Variants in STON1 observed in about 807,000 individuals in gnomAD.
STON1 encodes the protein stonin 1, also known as stonin-1.
A neutral mutation model predicts 60.9 loss-of-function variants in STON1; 79 were observed. The observed-to-expected ratio is 1.30, with a 90% CI of 1.08 to 1.56. STON1 has a LOEUF of 1.56. Ranked by LOEUF, STON1 falls within the 40% of genes most tolerant of loss-of-function variation. The pLI is 0.00. For synonymous variants in STON1, 363 were observed against 306.9 expected (o/e 1.18, Z -1.91); for missense variants, 1,166 against 858.9 (o/e 1.36, Z -4.47).
chr2:48,564,479 CTTTCTTCTTCTTCTTCTTCTTCTT>C lies in STON1; in HGVS notation c.-47-16107_-47-16084del, dbSNP rs1672785873. Reference sequence around the variant, plus strand: ...TCTTCTTCTTCTTCTTCTTCTTCTTCTTTCTTCTTCTTCTTCTTCTTCTTCTTCTTCTTCTTCTTCTTCTTCTTC... The same window carrying C: ...TCTTCTTCTTCTTCTTCTTCTTCTTCCTTCTTCTTCTTCTTCTTCTTCTTC... On this transcript the variant is annotated intron_variant, in intron 1 of 3. Transcript: ENST00000404752. Among the ~76,000 whole-genome samples the C allele has an allele frequency of 2.4e-4, 6 of 25,182 alleles. 1 individual carries two copies. The highest frequency in any genetic ancestry group is 4.1e-4 in the Admixed American group (1 of 2,450). 16.5% of individuals were successfully genotyped at this position (25,182 alleles called of 152,430 possible). A position where few individuals can be genotyped will look rare whatever the true frequency, so the allele number is the denominator to read the frequency against.
At chr2:48,589,080 G>A (rs1674371303) in intron 2 of STON1, among the ~76,000 whole-genome samples, 1 of 152,118 alleles carries the variant, frequency 6.6e-6, no homozygotes, top group Non-Finnish European at 1.5e-5. Context: ...TGAGAGTGGT[G>A]GAGGAGCAAT....
intron 1 of STON1, among the ~76,000 whole-genome samples, chr2:48,564,310 T>C (rs138540322): frequency 6.6e-6 from 1 of 152,184 alleles, no homozygotes; most frequent in East Asian, 1.9e-4. Flanking sequence ...ACTAGCATGG[T>C]TGGGTTCTGG....
At chr2:48,564,578 T>TC (rs1672834360) in intron 1 of STON1, among the ~76,000 whole-genome samples, 5 of 31,706 alleles carry the variant, frequency 1.6e-4, no homozygotes, top group South Asian at 2.0e-3. Context: ...TCCTTCTCCT[T>TC]CTCCTCCTCC....
rs745318844 is a variant in STON1, at chr2:48,587,325, C to G, written c.1931-4328C>G. Among the ~76,000 whole-genome samples the G allele has an allele frequency of 5.5e-4, 83 of 152,236 alleles. 1 individual carries two copies. The highest frequency in any genetic ancestry group is 6.2e-4 in the South Asian group (3 of 4,822). ...TATTTATTTATGAGACGGAGTCTCG[C>G]TCTGCCACCCAGGCTGGAGTGCAAT... On this transcript the variant is annotated intron_variant, in intron 2 of 3. Transcript: ENST00000404752.
At chr2:48,588,216 T>C (rs555701570) in intron 2 of STON1, among the ~76,000 whole-genome samples, 2 of 152,354 alleles carry the variant, frequency 1.3e-5, no homozygotes, top group African/African-American at 4.8e-5. Flanking sequence ...GGAATACGCT[T>C]AGAATAGCAG....
chr2:48,567,418 T>C (rs1284554813), intron 1 of STON1, among the ~76,000 whole-genome samples: 1 of 152,212 alleles, frequency 6.6e-6, no homozygotes, highest in East Asian at 1.9e-4. Flanking sequence ...TTTTTATATA[T>C]TTATTTTTTT....
intron 1 of STON1, among the ~76,000 whole-genome samples, chr2:48,539,181 G>A (rs944086607): frequency 3.9e-5 from 6 of 152,238 alleles, no homozygotes; most frequent in South Asian, 2.1e-4. Flanking sequence ...GTCTTTGAAA[G>A]TGTTGGGATT....
At chr2:48,584,446 T>C (rs1674081028) in intron 2 of STON1, among the ~76,000 whole-genome samples, 1 of 152,162 alleles carries the variant, frequency 6.6e-6, no homozygotes, top group Non-Finnish European at 1.5e-5. Context: ...TTTTTTATTT[T>C]TAGTAGAGAC....
chr2:48,554,415 G>C lies in STON1; in HGVS notation c.-48+24199G>C, dbSNP rs1331088086. ...TTTTTGTATTTTTAATAGAGACGGG[G>C]TTTTACCACGTTGGCCAGGCTAGTT... On this transcript the variant is annotated intron_variant, in intron 1 of 3. Coordinates refer to ENST00000404752, the MANE Select transcript of STON1 (RefSeq NM_006873.4). Among the ~76,000 whole-genome samples, 6 of 152,088 alleles carry C rather than the reference G, an allele frequency of 3.9e-5. No homozygotes were observed. In the East Asian group the frequency reaches 9.7e-4, roughly 25 times the overall value.
chr2:48,589,623 G>A (rs1228449210), intron 2 of STON1, among the ~76,000 whole-genome samples: 3 of 152,284 alleles, frequency 2.0e-5, no homozygotes, highest in Admixed American at 6.5e-5. Context: ...TTAAAGAAAA[G>A]CAGGTAGAAA....
At chr2:48,558,115 C>T (rs1184720671) in intron 1 of STON1, among the ~76,000 whole-genome samples, 3 of 152,094 alleles carry the variant, frequency 2.0e-5, no homozygotes, top group Non-Finnish European at 2.9e-5. Context: ...CCCAGCTACT[C>T]GGCAGGCTGA....
At chr2:48,564,484 T>TTCTTCTTCTTCTTCTTCC in intron 1 of STON1, among the ~76,000 whole-genome samples, 1 of 23,292 alleles carries the variant, frequency 4.3e-5, no homozygotes, top group Non-Finnish European at 8.7e-5. Context: ...TTCTTCTTTC[T>TTCTTCTTCTTCTTCTTCC]TCTTCTTCTT....
chr2:48,562,943 G>A (rs1211101830), intron 1 of STON1, among the ~76,000 whole-genome samples: 17 of 152,338 alleles, frequency 1.1e-4, no homozygotes, highest in Admixed American at 1.0e-3. Context: ...ACTTTCCCCA[G>A]AGAGAACAGC....
At chr2:48,553,189 G>A (rs1344292125) in intron 1 of STON1, among the ~76,000 whole-genome samples, 1 of 152,138 alleles carries the variant, frequency 6.6e-6, no homozygotes, top group East Asian at 1.9e-4. Flanking sequence ...CCAAGAGGAG[G>A]GGAAACAGAG....
intron 1 of STON1, among the ~76,000 whole-genome samples, chr2:48,549,438 T>C (rs1235788755): frequency 6.6e-6 from 1 of 152,100 alleles, no homozygotes; most frequent in African/African-American, 2.4e-5. Flanking sequence ...GGAAAGGGAA[T>C]GAATGAGTTG....
At position 48,582,102 on chromosome 2, in the gene STON1, G is replaced by A. The variant is rs752594748; in HGVS notation, c.1469G>A (p.Cys490Tyr). ...IDILDYHFHK[C>Y]VNVQEFEQSR... ...ATTCTTGACTACCATTTTCATAAGT[G>A]TGTGAATGTACAAGAATTTGAGCAA... The change falls in exon 2 of 4, where the codon TGT becomes TAT. Residue 490 changes from cysteine (C) to tyrosine (Y), a missense_variant. Cys to Tyr is a radical substitution (Grantham distance 194). Coordinates refer to ENST00000404752, the MANE Select transcript of STON1 (RefSeq NM_006873.4). 2 of 1,613,898 alleles carry A rather than the reference G, an allele frequency of 1.2e-6. No homozygotes were observed. Among genetic ancestry groups the A allele is most frequent in the Admixed American group, 1.7e-5 (1 of 60,000 alleles).
intron 1 of STON1, among the ~76,000 whole-genome samples, chr2:48,558,890 C>G (rs562469852): frequency 1.3e-5 from 2 of 152,294 alleles, no homozygotes; most frequent in East Asian, 1.9e-4. Flanking sequence ...GTTATAAAAG[C>G]CTTAGGAGCA....
At chr2:48,531,696 A>C (rs559217153) in intron 1 of STON1, 135 of 152,300 alleles carry the variant, frequency 8.9e-4, no homozygotes, top group African/African-American at 3.1e-3. Flanking sequence ...CTGGGAAGAA[A>C]AAGCTCTACC....
chr2:48,560,882 C>T (rs1293357617), intron 1 of STON1, among the ~76,000 whole-genome samples: 1 of 152,330 alleles, frequency 6.6e-6, no homozygotes, highest in African/African-American at 2.4e-5. Flanking sequence ...TTTATCCCCA[C>T]CCACCTAATC....
Sources: allele counts gnomAD v4.1 joint callset (sites outside exome capture counted in the v4.1 genomes callset), GRCh38; gene constraint gnomAD v4.1.1; transcripts MANE v1.5; gene names NCBI Gene and HGNC (gene_info 2026-07-23, HGNC 2026-07-21).